The following ERCC6L2 variants were observed in gnomAD, a reference collection of about 807,000 sequenced individuals.
ERCC6L2 encodes DNA excision repair protein ERCC-6-like 2.
Under a neutral mutation model 132.0 loss-of-function variants are expected in ERCC6L2, and 77 were observed. The ratio of observed to expected loss-of-function variants is 0.58; its 90% confidence interval spans 0.49 to 0.71. The LOEUF (loss-of-function observed/expected upper bound fraction) is 0.71. Ranked by LOEUF, ERCC6L2 falls within the 30% of genes least tolerant of loss-of-function variation. ERCC6L2 has a pLI of 0.00. For synonymous variants in ERCC6L2, 583 were observed against 632.4 expected, an observed-to-expected ratio of 0.92 and a Z score of 1.17; for missense variants, 1,542 against 1,837.6, an observed-to-expected ratio of 0.84 and a Z score of 2.94.
chr9:95,905,378 C>T (rs1828981218), intron 3 of ERCC6L2, among the ~76,000 whole-genome samples: 1 of 152,090 alleles, frequency 6.6e-6, no homozygotes, highest in African/African-American at 2.4e-5. Context: ...ATTATGTTGC[C>T]ACCTTAATTT....
chr9:95,968,967 A>G (rs1832289249), intron 14 of ERCC6L2: 1 of 152,214 alleles, frequency 6.6e-6, no homozygotes, highest in Admixed American at 6.5e-5. Context: ...CTGTTAAGGA[A>G]GGGGCATTGC....
In ERCC6L2 at chr9:96,014,053, G is replaced by T. The variant is rs1564305942; in HGVS notation, c.*850G>T. 1 of 152,226 alleles carries T rather than the reference G, an allele frequency of 6.6e-6. No individual in the cohort carries two copies. Among genetic ancestry groups the T allele is most frequent in the Non-Finnish European group, 1.5e-5 (1 of 68,040 alleles). 9.4% of individuals were successfully genotyped at this position (152,226 alleles called of 1,614,324 possible). On this transcript the variant is annotated 3_prime_UTR_variant, in exon 19 of 19. Transcript: ENST00000653738. ...TGAATGTGCTTATTGTTGAATGCATGTATTTAGAAGCCTTTACTCAGCCCC... is the reference window on the plus strand; with the variant it reads ...TGAATGTGCTTATTGTTGAATGCATTTATTTAGAAGCCTTTACTCAGCCCC...
chr9:95,960,679 C>T (rs1831859637), intron 13 of ERCC6L2, among the ~76,000 whole-genome samples: 1 of 152,144 alleles, frequency 6.6e-6, no homozygotes, highest in East Asian at 1.9e-4. Flanking sequence ...ACCTTGATTT[C>T]AGTTTAGTGA....
At chr9:96,007,395 T>A (rs1355287010) in intron 18 of ERCC6L2, among the ~76,000 whole-genome samples, 1 of 152,208 alleles carries the variant, frequency 6.6e-6, no homozygotes, top group East Asian at 1.9e-4. Context: ...TTATCAAGAA[T>A]GATGGCAAGA....
chr9:95,921,411 C>G (rs900229007), intron 7 of ERCC6L2, 96 bp downstream of exon 7: 53 of 963,702 alleles, frequency 5.5e-5, no homozygotes, highest in Non-Finnish European at 7.3e-5. Context: ...ATACCTTTTC[C>G]TCAGACAGTT....
chr9:95,933,176 G>A (rs995244751), intron 11 of ERCC6L2, among the ~76,000 whole-genome samples: 5 of 152,152 alleles, frequency 3.3e-5, no homozygotes, highest in Admixed American at 6.5e-5. Context: ...GCCTGACCTT[G>A]CCATCAAGAA....
downstream of ERCC6L2, among the ~76,000 whole-genome samples, chr9:96,019,413 A>G (rs1392130407): frequency 2.0e-5 from 3 of 151,248 alleles, no homozygotes; most frequent in Non-Finnish European, 4.4e-5. Flanking sequence ...TCCGTCCACC[A>G]CTCCCTGCCC....
chr9:95,930,730 GTCT>G (rs1449963665), intron 11 of ERCC6L2, among the ~76,000 whole-genome samples: 1 of 152,020 alleles, frequency 6.6e-6, no homozygotes, highest in Non-Finnish European at 1.5e-5. Context: ...TGGATCCCGT[GTCT>G]TCTTCTTTCT....
chr9:96,005,976 G>T (rs1398219795), intron 18 of ERCC6L2, among the ~76,000 whole-genome samples: 3 of 152,202 alleles, frequency 2.0e-5, no homozygotes, highest in African/African-American at 7.2e-5. Context: ...GAGCAACAGA[G>T]TGGAGGTACT....
chr9:95,997,986 A>G (rs1488836164), intron 17 of ERCC6L2, among the ~76,000 whole-genome samples: 1 of 152,228 alleles, frequency 6.6e-6, no homozygotes, highest in Non-Finnish European at 1.5e-5. Flanking sequence ...CGAGCACCAA[A>G]ATGTTTATAA....
chr9:96,012,586 AGAG>A lies in ERCC6L2; in HGVS notation c.4037_4039del (p.Arg1346_Glu1347delinsLys). ...TAAGTTTCAGAATCATATTTCCTAT[AGAG>A]AAGAGGTGTTTTTTAATGATGCAGA... is the stretch of plus-strand genomic sequence containing the variant. On this transcript the variant is annotated inframe_deletion, in exon 19 of 19. Transcript: ENST00000653738. 1 of 1,367,634 alleles carries A rather than the reference AGAG, an allele frequency of 7.3e-7. No homozygotes were observed. The allele number at this position is 1,367,634 out of a possible 1,614,324, so 84.7% of individuals were successfully genotyped here. A position where few individuals can be genotyped will look rare whatever the true frequency, so the allele number is the denominator to read the frequency against.
At chr9:95,897,186 A>T (rs1828510240) in intron 2 of ERCC6L2, among the ~76,000 whole-genome samples, 1 of 152,178 alleles carries the variant, frequency 6.6e-6, no homozygotes, top group Non-Finnish European at 1.5e-5. Flanking sequence ...TACAGATATT[A>T]TTCAGAGAGG....
intron 7 of ERCC6L2, 63 bp from the exon 8 acceptor site, chr9:95,922,242 A>C: frequency 1.4e-6 from 1 of 740,238 alleles, no homozygotes; most frequent in Non-Finnish European, 2.3e-6. Flanking sequence ...GATACATTTT[A>C]TGATGTAAGC....
intron 19 of ERCC6L2, among the ~76,000 whole-genome samples, chr9:96,024,297 AGAG>A (rs1463991446): frequency 6.6e-6 from 1 of 152,240 alleles, no homozygotes; most frequent in African/African-American, 2.4e-5. Context: ...TGACCAGGGA[AGAG>A]GAGAAGGTAA....
At position 96,036,976 on chromosome 9, in the gene ERCC6L2, C is replaced by T. The variant is rs1028012942; in HGVS notation, c.*1504-1900C>T. On this transcript the variant is annotated intron_variant and NMD_transcript_variant, in intron 19 of 20. Transcript: ENST00000670016. ...AGAGACGGGGTTTCACCGTTTTAGCCGGGATGGTCTCGATCTCCTGACCTC... is the reference window on the plus strand; with the variant it reads ...AGAGACGGGGTTTCACCGTTTTAGCTGGGATGGTCTCGATCTCCTGACCTC... 3.3e-5 allele frequency among the ~76,000 whole-genome samples: 5 copies of T among 151,374 alleles called. No individual in the cohort carries two copies. In the East Asian group the frequency reaches 5.8e-4, roughly 18 times the overall value.
chr9:95,889,649 C>T (rs1216915391), intron 2 of ERCC6L2, among the ~76,000 whole-genome samples: 4 of 152,032 alleles, frequency 2.6e-5, no homozygotes, highest in East Asian at 1.9e-4. Flanking sequence ...TTTTCATGCC[C>T]CTTTCCAGTC....
chr9:95,979,023 A>G (rs1832786807), intron 17 of ERCC6L2, among the ~76,000 whole-genome samples: 2 of 152,234 alleles, frequency 1.3e-5, no homozygotes, highest in African/African-American at 2.4e-5. Flanking sequence ...CCAGAGTACA[A>G]AATGAAATTT....
intron 11 of ERCC6L2, among the ~76,000 whole-genome samples, chr9:95,938,669 A>T (rs1237033703): frequency 2.6e-5 from 4 of 152,038 alleles, no homozygotes; most frequent in African/African-American, 9.7e-5. Flanking sequence ...ATTGCCTGGT[A>T]TATCTTTTAT....
At chr9:95,886,452 C>G (rs1827872527) in intron 2 of ERCC6L2, among the ~76,000 whole-genome samples, 1 of 152,142 alleles carries the variant, frequency 6.6e-6, no homozygotes, top group South Asian at 2.1e-4. Flanking sequence ...GGAATGACTT[C>G]CCTATCTAGG....
Sources: gnomAD v4.1 joint callset for allele counts (sites outside exome capture counted in the v4.1 genomes callset) on GRCh38, gnomAD v4.1.1 for gene constraint, MANE v1.5 for transcripts, NCBI Gene and HGNC (gene_info 2026-07-23, HGNC 2026-07-21) for gene names.